Variants in MARCHF1 observed in about 807,000 individuals in gnomAD.
MARCHF1 encodes the protein E3 ubiquitin-protein ligase MARCHF1.
Under a neutral mutation model 54.2 loss-of-function variants are expected in MARCHF1, and 40 were observed. That is an observed-to-expected ratio of 0.74 (90% CI 0.57 to 0.96). The LOEUF (loss-of-function observed/expected upper bound fraction) is 0.96. Among genes scored for constraint, MARCHF1 ranks in the 40% least tolerant of loss-of-function variants. The pLI is 0.00. For synonymous variants in MARCHF1, 236 were observed against 236.3 expected (o/e 1.00, Z 0.01); for missense variants, 586 against 656.5 (o/e 0.89, Z 1.17).
intron 1 of MARCHF1, among the ~76,000 whole-genome samples, chr4:164,345,784 G>T (rs992463201): frequency 1.3e-5 from 2 of 151,216 alleles, no homozygotes; most frequent in Admixed American, 1.3e-4. Flanking sequence ...ATCTGCTGCT[G>T]GTTTTTTGTT....
At chr4:164,283,282 T>G (rs1404646858) in intron 1 of MARCHF1, among the ~76,000 whole-genome samples, 1 of 150,934 alleles carries the variant, frequency 6.6e-6, no homozygotes, top group Non-Finnish European at 1.5e-5. Flanking sequence ...ACTTCTCCTC[T>G]TTAGTAATTT....
intron 4 of MARCHF1, among the ~76,000 whole-genome samples, chr4:163,771,743 C>G (rs1180052687): frequency 1.3e-5 from 2 of 152,100 alleles, no homozygotes; most frequent in East Asian, 1.9e-4. Flanking sequence ...GAGCACTGCT[C>G]CAGCAATTCT....
chr4:163,623,936 G>A (rs1224867511), intron 5 of MARCHF1, among the ~76,000 whole-genome samples: 2 of 152,116 alleles, frequency 1.3e-5, no homozygotes, highest in African/African-American at 4.8e-5. Flanking sequence ...AGATCCACAA[G>A]ACAGAATTTA....
At chr4:164,176,964 CTCTCTCTCTCTCTCTCTATATAT>C (rs1730688193) in intron 1 of MARCHF1, among the ~76,000 whole-genome samples, 1 of 47,728 alleles carries the variant, frequency 2.1e-5, no homozygotes. Context: ...CTCTCTCTCT[CTCTCTCTCTCTCTCTCTATATAT>C]ATATATATAT....
intron 1 of MARCHF1, among the ~76,000 whole-genome samples, chr4:164,334,910 A>AC (rs1384332606): frequency 1.3e-5 from 2 of 152,188 alleles, no homozygotes; most frequent in African/African-American, 4.8e-5. Context: ...TGAGATCAAG[A>AC]CCTCAGAGGA....
At chr4:164,195,980 A>G (rs937039219) in intron 1 of MARCHF1, among the ~76,000 whole-genome samples, 1 of 152,216 alleles carries the variant, frequency 6.6e-6, no homozygotes, top group Non-Finnish European at 1.5e-5. Context: ...AGAAAAATCA[A>G]CATAAATATA....
At chr4:163,600,035 T>C (rs1235234023) in intron 7 of MARCHF1, among the ~76,000 whole-genome samples, 1 of 152,172 alleles carries the variant, frequency 6.6e-6, no homozygotes, top group Non-Finnish European at 1.5e-5. Context: ...AATAAATTTG[T>C]ACCAGTTGCT....
intron 1 of MARCHF1, among the ~76,000 whole-genome samples, chr4:164,368,464 G>T (rs926550334): frequency 6.6e-6 from 1 of 151,920 alleles, no homozygotes; most frequent in Non-Finnish European, 1.5e-5. Context: ...CAAGAAAAAG[G>T]TATCTCCAAT....
chr4:163,760,884 A>C (rs982393406), intron 4 of MARCHF1, among the ~76,000 whole-genome samples: 16 of 152,186 alleles, frequency 1.1e-4, no homozygotes, highest in Admixed American at 8.5e-4. Context: ...TCAACTGATA[A>C]ACATATTTCT....
chr4:164,108,219 A>G (rs1230998860), intron 2 of MARCHF1, among the ~76,000 whole-genome samples: 1 of 152,126 alleles, frequency 6.6e-6, no homozygotes, highest in Non-Finnish European at 1.5e-5. Context: ...TATTAATAAA[A>G]TTCTCTCTGA....
rs554879151 is a variant in MARCHF1 at position 163,601,650 on chromosome 4, G to A, written c.1010+10621C>T. Reference sequence around the variant, plus strand: ...ATAGCACAATATAGCCTCATAACACGTAAATATTGATCCATGTCTGAATGA... The same window carrying A: ...ATAGCACAATATAGCCTCATAACACATAAATATTGATCCATGTCTGAATGA... On this transcript the variant is annotated intron_variant, in intron 7 of 9. Transcript: ENST00000514618. Among the ~76,000 whole-genome samples, 248 of 151,962 alleles carry A rather than the reference G, an allele frequency of 1.6e-3. 1 individual carries two copies. Among genetic ancestry groups the A allele is most frequent in the African/African-American group, 5.5e-3 (227 of 41,496 alleles).
At chr4:163,563,533 C>A (rs1739541095) in intron 8 of MARCHF1, among the ~76,000 whole-genome samples, 1 of 152,184 alleles carries the variant, frequency 6.6e-6, no homozygotes, top group African/African-American at 2.4e-5. Context: ...ATGATCCCTC[C>A]CTACCCTGAA....
At chr4:164,184,608 G>C (rs186399360) in intron 1 of MARCHF1, among the ~76,000 whole-genome samples, 1 of 152,290 alleles carries the variant, frequency 6.6e-6, no homozygotes, top group East Asian at 1.9e-4. Context: ...ATAGAAATTA[G>C]TTGATAAAGA....
At chr4:164,308,795 C>T (rs1734765421) in intron 1 of MARCHF1, among the ~76,000 whole-genome samples, 1 of 151,712 alleles carries the variant, frequency 6.6e-6, no homozygotes, top group Admixed American at 6.6e-5. Context: ...GATACTCAAA[C>T]CCACTTGAGG....
intron 1 of MARCHF1, chr4:164,129,933 G>A (rs1756266243): frequency 6.6e-6 from 1 of 151,988 alleles, no homozygotes; most frequent in South Asian, 2.1e-4. Context: ...ATATAAACCA[G>A]AACTTAAAAT....
At chr4:164,211,703 G>T (rs1283024947) in intron 1 of MARCHF1, among the ~76,000 whole-genome samples, 10 of 151,958 alleles carry the variant, frequency 6.6e-5, no homozygotes, top group Admixed American at 6.6e-5. Context: ...CTTGACAATG[G>T]TTAAAGAACT....
chr4:164,152,932 T>A (rs1729982699), intron 1 of MARCHF1, among the ~76,000 whole-genome samples: 1 of 147,140 alleles, frequency 6.8e-6, no homozygotes, highest in Admixed American at 6.8e-5. Context: ...ACCAAACCAA[T>A]GGATTTCTTA....
At chr4:163,910,709 C>A (rs1213806933) in intron 3 of MARCHF1, among the ~76,000 whole-genome samples, 1 of 152,148 alleles carries the variant, frequency 6.6e-6, no homozygotes, top group African/African-American at 2.4e-5. Context: ...GTTGGCCAAG[C>A]TGGTCTCGAA....
intron 4 of MARCHF1, among the ~76,000 whole-genome samples, chr4:163,737,208 T>A (rs1484723056): frequency 5.5e-5 from 2 of 36,394 alleles, no homozygotes; most frequent in Non-Finnish European, 1.1e-4. Context: ...TTATTTATTT[T>A]TTTTAATTTT....
Sources: allele counts gnomAD v4.1 joint callset (sites outside exome capture counted in the v4.1 genomes callset), GRCh38; gene constraint gnomAD v4.1.1; transcripts MANE v1.5; gene names NCBI Gene and HGNC (gene_info 2026-07-23, HGNC 2026-07-21).